NLRP5: variants seen among roughly 807,000 people sequenced by gnomAD.
NLRP5 encodes NACHT, LRR and PYD domains-containing protein 5.
NLRP5 carries 93 observed loss-of-function variants against 113.1 expected under a neutral mutation model. The ratio of observed to expected loss-of-function variants is 0.82; its 90% CI spans 0.70 to 0.98. The LOEUF (loss-of-function observed/expected upper bound fraction) is 0.98. Among genes scored for constraint, NLRP5 ranks in the 50% least tolerant of loss-of-function variants. The pLI is 0.00. For missense variants in NLRP5, 1,808 were observed against 1,514.3 expected (o/e 1.19, Z -3.22); for synonymous variants, 751 against 600.7 (o/e 1.25, Z -3.66).
At chr19:56,034,028 C>A (rs1409697032) in intron 9 of NLRP5, among the ~76,000 whole-genome samples, 1 of 152,216 alleles carries the variant, frequency 6.6e-6, no homozygotes, top group African/African-American at 2.4e-5. Flanking sequence ...GCTTGGCCTC[C>A]CAGAGCACTG....
chr19:56,039,351 C>A (rs535339860), intron 10 of NLRP5, among the ~76,000 whole-genome samples: 1 of 152,300 alleles, frequency 6.6e-6, no homozygotes, highest in Non-Finnish European at 1.5e-5. Flanking sequence ...GTCAAGAGCT[C>A]AGTAGCCATG....
upstream of NLRP5, among the ~76,000 whole-genome samples, chr19:55,998,938 T>G (rs75085416): frequency 0.032 from 4,920 of 151,494 alleles, 179 homozygotes; most frequent in East Asian, 0.19. Context: ...AAATCTACTT[T>G]TAGCAATTTT....
chr19:56,014,499 G>T (rs1043169984), intron 3 of NLRP5, among the ~76,000 whole-genome samples: 3 of 149,036 alleles, frequency 2.0e-5, no homozygotes, highest in Non-Finnish European at 4.5e-5. Context: ...AAAAAAAATT[G>T]CTTAACCCAA....
In NLRP5 at chr19:56,048,856, C is replaced by G. The variant is rs567365249; in HGVS notation, c.2958-1562C>G. ...TTTTTTCTCAGGAATACCAATTATT[C>G]TTAGGTTTGCATTTAACATAATCCC... On this transcript the variant is annotated intron_variant, in intron 11 of 14. Transcript: ENST00000390649. Among the ~76,000 whole-genome samples the G allele has an allele frequency of 5.3e-5, 8 of 150,938 alleles. No individual in the cohort carries two copies. The South Asian group carries it at 1.7e-3, about 31-fold the overall frequency.
At chr19:56,034,841 G>C (rs778715526) in intron 9 of NLRP5, among the ~76,000 whole-genome samples, 1 of 152,132 alleles carries the variant, frequency 6.6e-6, no homozygotes, top group Non-Finnish European at 1.5e-5. Flanking sequence ...TTGGTTGGTC[G>C]GTCCCAGTTT....
chr19:56,005,449 ATT>A (rs1431780881), intron 2 of NLRP5, among the ~76,000 whole-genome samples: 1 of 144,796 alleles, frequency 6.9e-6, no homozygotes, highest in Non-Finnish European at 1.5e-5. Flanking sequence ...ATACACATAT[ATT>A]TTTATATACA....
chr19:56,058,394 A>G lies in NLRP5; in HGVS notation c.3454A>G (p.Asn1152Asp), dbSNP rs1313373382. The G allele has an allele frequency of 1.9e-6, 3 of 1,613,358 alleles. No homozygotes were observed. Among genetic ancestry groups the G allele is most frequent in the South Asian group, 1.1e-5 (1 of 90,948 alleles). ...TTCGGCCTTTGCCTGTCCCACGTCTAACTTACAGATAATTGGGTAAGTCGC... is the reference window on the plus strand; with the variant it reads ...TTCGGCCTTTGCCTGTCCCACGTCTGACTTACAGATAATTGGGTAAGTCGC... The change falls in exon 14 of 15, where the codon AAC (asparagine) becomes GAC (aspartate). Residue 1152 changes from asparagine (N) to aspartate (D), a missense_variant. Asn to Asp is a conservative substitution (Grantham distance 23). Transcript: ENST00000390649.
rs1395109203 is a variant in NLRP5, at chr19:56,024,519, G to GTA, written c.680-2390_680-2389dup. Among the ~76,000 whole-genome samples the GTA allele has an allele frequency of 6.8e-5, 3 of 44,204 alleles. No homozygotes were observed. The East Asian group carries it at 1.8e-3, about 26-fold the overall frequency. The allele number at this position is 44,204 out of a possible 152,430, so 29.0% of individuals were successfully genotyped here. On this transcript the variant is annotated intron_variant, in intron 6 of 14. Coordinates refer to ENST00000390649, the MANE Select transcript of NLRP5 (RefSeq NM_153447.4). ...TACATATGTATATGTATATGTGTAT[G>GTA]TATATGTATACATATGTATATGTAT...
In NLRP5 at chr19:56,003,959, G is replaced by C. The variant is rs1213314154; in HGVS notation, c.306G>C (p.Glu102Asp). Residue 102 changes from glutamate (E) to aspartate (D), a missense_variant, in exon 2 of 15, where the codon GAG (glutamate) becomes GAC (aspartate). Glu to Asp is a conservative substitution (Grantham distance 45). Transcript: ENST00000390649. ...GCTCTATTCCACAGTTTGAAATCGAGAATGCCAACGTGGAATGTCTGGCAC... is the reference window on the plus strand; with the variant it reads ...GCTCTATTCCACAGTTTGAAATCGACAATGCCAACGTGGAATGTCTGGCAC... 1 of 1,613,974 alleles carries C rather than the reference G, an allele frequency of 6.2e-7. No individual in the cohort carries two copies. The highest frequency in any genetic ancestry group is 2.2e-5 in the East Asian group (1 of 44,880).
At chr19:56,005,180 TAC>T (rs1485620672) in intron 2 of NLRP5, among the ~76,000 whole-genome samples, 31 of 134,810 alleles carry the variant, frequency 2.3e-4, no homozygotes, top group East Asian at 6.0e-4. Context: ...TTTTTATATA[TAC>T]ACACATATTT....
chr19:56,042,458 C>T (rs371473934), intron 11 of NLRP5, among the ~76,000 whole-genome samples: 140 of 152,310 alleles, frequency 9.2e-4, no homozygotes, highest in African/African-American at 3.2e-3. Context: ...AAGCGATTCT[C>T]CTGCTTCAGC....
At chr19:56,050,281 A>G in intron 11 of NLRP5, 137 bp from the exon 12 acceptor site, 1 of 735,134 alleles carries the variant, frequency 1.4e-6, no homozygotes. Context: ...CTCCTCAAAA[A>G]AAAAAAAGAA....
intron 9 of NLRP5, among the ~76,000 whole-genome samples, chr19:56,037,484 G>T (rs1983360533): frequency 6.6e-6 from 1 of 152,090 alleles, no homozygotes; most frequent in Non-Finnish European, 1.5e-5. Flanking sequence ...CACAAGGTCA[G>T]GAGTTTGAGA....
At chr19:56,053,502 C>T (rs2123339255) in intron 12 of NLRP5, 136 bp from the exon 13 acceptor site, 3 of 680,454 alleles carry the variant, frequency 4.4e-6, no homozygotes, top group Non-Finnish European at 7.4e-6. Flanking sequence ...GTGGTCTAAG[C>T]TGTTCACAGG....
At chr19:56,035,624 CGAATTTACCTTCTCATAACTCAACTAAT>C (rs1243295906) in intron 9 of NLRP5, among the ~76,000 whole-genome samples, 9 of 152,322 alleles carry the variant, frequency 5.9e-5, no homozygotes, top group South Asian at 4.1e-4. Flanking sequence ...GGAAGTCTAA[CGAATTTACCTTCTCATAACTCAACTAAT>C]GAATTTACCT....
At chr19:56,057,225 T>C (rs1354480963) in intron 13 of NLRP5, among the ~76,000 whole-genome samples, 2 of 152,214 alleles carry the variant, frequency 1.3e-5, no homozygotes, top group African/African-American at 4.8e-5. Flanking sequence ...ATCATTAGTA[T>C]TTTAGTATAT....
chr19:55,996,952 A>G (rs1228547858), upstream of NLRP5, among the ~76,000 whole-genome samples: 5 of 152,182 alleles, frequency 3.3e-5, no homozygotes, highest in Non-Finnish European at 7.3e-5. Context: ...AGTCCCACCA[A>G]CAGCGTAAAA....
intron 6 of NLRP5, among the ~76,000 whole-genome samples, chr19:56,024,580 T>TAC (rs1331475566): frequency 8.1e-6 from 1 of 123,742 alleles, no homozygotes; most frequent in Admixed American, 8.1e-5. Flanking sequence ...CACATATATA[T>TAC]ACATACACAC....
At chr19:56,046,244 G>A (rs1222304725) in intron 11 of NLRP5, among the ~76,000 whole-genome samples, 1 of 152,130 alleles carries the variant, frequency 6.6e-6, no homozygotes, top group Non-Finnish European at 1.5e-5. Context: ...TTTATGTGGT[G>A]TATCACATTT....
Sources: gnomAD v4.1 joint callset for allele counts (sites outside exome capture counted in the v4.1 genomes callset) on GRCh38, gnomAD v4.1.1 for gene constraint, MANE v1.5 for transcripts, NCBI Gene and HGNC (gene_info 2026-07-23, HGNC 2026-07-21) for gene names.